TTC27: variants seen among roughly 807,000 people sequenced by gnomAD.
TTC27 encodes the protein tetratricopeptide repeat protein 27.
Under a neutral mutation model 115.9 loss-of-function variants are expected in TTC27, and 79 were observed. The observed-to-expected ratio is 0.68, with a 90% CI of 0.57 to 0.82. The LOEUF is 0.82. TTC27 is among the 40% of genes least tolerant of loss of function. TTC27 has a pLI of 0.00. For synonymous variants in TTC27, 401 were observed against 356.0 expected, an observed-to-expected ratio of 1.13 and a Z score of -1.42; for missense variants, 1,054 against 993.1, an observed-to-expected ratio of 1.06 and a Z score of -0.82.
chr2:32,757,630 A>G (rs1558327993), intron 12 of TTC27, among the ~76,000 whole-genome samples: 3 of 151,300 alleles, frequency 2.0e-5, no homozygotes, highest in African/African-American at 7.3e-5. Flanking sequence ...AGCTGTGCAC[A>G]TTTTTTTTTA....
chr2:32,630,583 C>G lies in TTC27; in HGVS notation c.149C>G (p.Ser50Ter). ...AACTATGAAGCCATATTCTTAAATT[C>G]AATGACTCAAAATATTTTTAATTCA... Reference protein sequence around the residue: ...EGNYEAIFLNSMTQNIFNSTT... With the variant: ...EGNYEAIFLN Residue 50 changes from serine to a stop codon, truncating the protein, a stop_gained, in exon 2 of 20, where the codon TCA (serine) becomes TGA (stop). Coordinates refer to ENST00000317907, the MANE Select transcript of TTC27 (RefSeq NM_017735.5). LOFTEE classifies it high-confidence loss of function. 6.2e-7 allele frequency: 1 copy of G among 1,613,184 alleles called. No individual in the cohort carries two copies. Among genetic ancestry groups the G allele is most frequent in the Non-Finnish European group, 8.5e-7 (1 of 1,179,536 alleles).
chr2:32,672,487 A>G lies in TTC27; in HGVS notation c.1052+103A>G, dbSNP rs1216442261. On this transcript the variant is annotated intron_variant, in intron 8 of 19. Coordinates refer to ENST00000317907, the MANE Select transcript of TTC27 (RefSeq NM_017735.5). ...GAGGTTCCAAGAGTTCTGGATGAAT[A>G]GGGAATTTTGTAGTGCTTATGAAGA... 7 of 850,440 alleles carry G rather than the reference A, an allele frequency of 8.2e-6. No homozygotes were observed. In the Admixed American group the frequency reaches 1.1e-4, roughly 13 times the overall value. 52.7% of individuals were successfully genotyped at this position (850,440 alleles called of 1,614,324 possible).
chr2:32,657,364 T>C (rs1665366685), intron 5 of TTC27, among the ~76,000 whole-genome samples: 1 of 149,828 alleles, frequency 6.7e-6, no homozygotes, highest in African/African-American at 2.5e-5. Flanking sequence ...TTTTTTTTTT[T>C]TTTTTTTGAG....
intron 13 of TTC27, among the ~76,000 whole-genome samples, chr2:32,776,064 T>C (rs1270481080): frequency 1.3e-5 from 2 of 152,216 alleles, no homozygotes; most frequent in Non-Finnish European, 2.9e-5. Flanking sequence ...CTTCTAACTT[T>C]TAGTTTCAAC....
At position 32,672,226 on chromosome 2, in the gene TTC27, T is replaced by TA. The variant is rs780790658; in HGVS notation, c.940-42dup. 3 of 1,434,190 alleles carry TA rather than the reference T, an allele frequency of 2.1e-6. No homozygotes were observed. The South Asian group carries it at 3.5e-5, about 17-fold the overall frequency. The allele number at this position is 1,434,190 out of a possible 1,614,324, so 88.8% of individuals were successfully genotyped here. A position where few individuals can be genotyped will look rare whatever the true frequency, so the allele number is the denominator to read the frequency against. The stretch of plus-strand genomic sequence containing the variant: ...ATTACATGCCATTCTGGTGAATGAA[T>TA]AAAATTTAATTTTTGGTCTAAGTAT... On this transcript the variant is annotated intron_variant, in intron 7 of 19. Coordinates refer to ENST00000317907, the MANE Select transcript of TTC27 (RefSeq NM_017735.5).
At chr2:32,756,283 G>A (rs1409672839) in intron 12 of TTC27, among the ~76,000 whole-genome samples, 1 of 152,236 alleles carries the variant, frequency 6.6e-6, no homozygotes, top group Non-Finnish European at 1.5e-5. Context: ...CAATCACGCA[G>A]TGAGATGATT....
At chr2:32,672,407 T>C (rs370349175) in intron 8 of TTC27, 23 bp downstream of exon 8, 40 of 1,539,200 alleles carry the variant, frequency 2.6e-5, no homozygotes, top group Non-Finnish European at 3.4e-5. Flanking sequence ...CTGACTTGGC[T>C]GCTTTGAACA....
chr2:32,645,982 G>A (rs551553707), intron 4 of TTC27, among the ~76,000 whole-genome samples: 1 of 151,696 alleles, frequency 6.6e-6, no homozygotes, highest in South Asian at 2.1e-4. Context: ...GCCTCCCAAA[G>A]TGCTGGGATT....
At chr2:32,782,423 A>G (rs973822673) in intron 14 of TTC27, among the ~76,000 whole-genome samples, 2 of 152,206 alleles carry the variant, frequency 1.3e-5, no homozygotes, top group Admixed American at 6.5e-5. Context: ...GTTACATTGC[A>G]TAGTTGATTG....
At chr2:32,794,969 C>T (rs553418702) in intron 16 of TTC27, among the ~76,000 whole-genome samples, 45 of 152,020 alleles carry the variant, frequency 3.0e-4, no homozygotes, top group African/African-American at 9.6e-4. Flanking sequence ...AAAGAAAAGC[C>T]GTGGACCTGA....
chr2:32,716,710 GAGAC>G (rs902923846), intron 10 of TTC27, among the ~76,000 whole-genome samples: 3 of 151,236 alleles, frequency 2.0e-5, no homozygotes, highest in Non-Finnish European at 4.4e-5. Context: ...TTTTCTTTCA[GAGAC>G]AGGGTCTTGC....
At chr2:32,700,566 T>G (rs935547986) in intron 9 of TTC27, among the ~76,000 whole-genome samples, 3 of 152,192 alleles carry the variant, frequency 2.0e-5, no homozygotes, top group Admixed American at 2.0e-4. Context: ...TGACATAGTT[T>G]TGCGCTTGTT....
chr2:32,746,412 A>C (rs1385230093), intron 12 of TTC27, among the ~76,000 whole-genome samples: 3 of 151,892 alleles, frequency 2.0e-5, no homozygotes, highest in Non-Finnish European at 4.4e-5. Context: ...AAATACAAAA[A>C]ATTAGCCGGG....
intron 12 of TTC27, among the ~76,000 whole-genome samples, chr2:32,753,846 G>T (rs1333683769): frequency 6.6e-6 from 1 of 152,078 alleles, no homozygotes; most frequent in Non-Finnish European, 1.5e-5. Flanking sequence ...GGCCGAGGTG[G>T]GCAGATCACT....
In TTC27 at chr2:32,628,369, T is replaced by C; in HGVS notation, c.77T>C (p.Val26Ala). ...CGGCAGCAATGGAAACAGGAGGGGG[T>C]CGTCGGTTCAGGTGAGAGGCGCACC... ...AERQQWKQEGVVGSESGSFLQ... is the reference protein window; with the variant it reads ...AERQQWKQEGAVGSESGSFLQ... The change falls in exon 1 of 20, where the codon GTC (valine) becomes GCC (alanine). Residue 26 changes from valine (V) to alanine (A), a missense_variant. Transcript: ENST00000317907. 1 of 1,602,898 alleles carries C rather than the reference T, an allele frequency of 6.2e-7. No homozygotes were observed. Among genetic ancestry groups the C allele is most frequent in the Non-Finnish European group, 8.5e-7 (1 of 1,176,026 alleles).
intron 16 of TTC27, among the ~76,000 whole-genome samples, chr2:32,810,654 G>A (rs1402046255): frequency 6.6e-6 from 1 of 152,166 alleles, no homozygotes; most frequent in Non-Finnish European, 1.5e-5. Flanking sequence ...AGGGGAATCT[G>A]GCTGGAGCTG....
At chr2:32,788,627 C>G (rs1194753025) in intron 16 of TTC27, among the ~76,000 whole-genome samples, 1 of 152,180 alleles carries the variant, frequency 6.6e-6, no homozygotes, top group African/African-American at 2.4e-5. Flanking sequence ...GATTTCCCCT[C>G]TAAATCTATA....
chr2:32,773,690 G>A (rs1346299851), intron 13 of TTC27, among the ~76,000 whole-genome samples: 2 of 152,186 alleles, frequency 1.3e-5, no homozygotes, highest in Non-Finnish European at 2.9e-5. Context: ...AGTAATGTGT[G>A]GAAAGCTCAT....
intron 5 of TTC27, among the ~76,000 whole-genome samples, chr2:32,657,479 G>A (rs1028720438): frequency 3.3e-5 from 5 of 150,130 alleles, no homozygotes; most frequent in African/African-American, 1.2e-4. Context: ...TCAGCCTCCC[G>A]AGCAGCTAGG....
Sources: gnomAD v4.1 joint callset for allele counts (sites outside exome capture counted in the v4.1 genomes callset) on GRCh38, gnomAD v4.1.1 for gene constraint, MANE v1.5 for transcripts, NCBI Gene and HGNC (gene_info 2026-07-23, HGNC 2026-07-21) for gene names.